EPS8L2: variants seen among roughly 807,000 people sequenced by gnomAD.
EPS8L2 encodes epidermal growth factor receptor kinase substrate 8-like protein 2.
EPS8L2 carries 81 observed loss-of-function variants against 99.4 expected under a neutral mutation model. The ratio of observed to expected loss-of-function variants is 0.82; its 90% CI spans 0.68 to 0.98. The LOEUF is 0.98. EPS8L2 is among the 50% of genes least tolerant of loss of function. The pLI, the probability that EPS8L2 is intolerant of heterozygous loss-of-function variation, is 0.00. For synonymous variants in EPS8L2, 509 were observed against 407.3 expected, an observed-to-expected ratio of 1.25 and a Z score of -3.01; for missense variants, 1,155 against 968.8, an observed-to-expected ratio of 1.19 and a Z score of -2.55.
intron 4 of EPS8L2, among the ~76,000 whole-genome samples, chr11:712,848 A>C (rs899451638): frequency 6.6e-6 from 1 of 152,234 alleles, no homozygotes; most frequent in African/African-American, 2.4e-5. Context: ...CGGCCAGCTC[A>C]GTGTCCAGGG....
intron 1 of EPS8L2, among the ~76,000 whole-genome samples, chr11:707,599 C>G (rs1253085169): frequency 3.9e-5 from 6 of 152,190 alleles, no homozygotes; most frequent in African/African-American, 1.4e-4. Flanking sequence ...GCCAAAGAAG[C>G]CTCCCCAGGG....
At chr11:719,970 GGCCCCTCA>G in intron 4 of EPS8L2, 84 bp from the exon 5 acceptor site, 2 of 1,338,922 alleles carry the variant, frequency 1.5e-6, no homozygotes, top group Admixed American at 2.6e-5. Flanking sequence ...GGTTGGCTGT[GGCCCCTCA>G]GCCCCTCAGG....
chr11:713,008 C>A (rs1590048280), intron 4 of EPS8L2, among the ~76,000 whole-genome samples: 1 of 152,102 alleles, frequency 6.6e-6, no homozygotes, highest in African/African-American at 2.4e-5. Context: ...TGGCCTGGCC[C>A]CCAGCCAGCA....
In EPS8L2 at chr11:709,356, CG is replaced by C. The variant is rs1861821214; in HGVS notation, c.-48del. 2.6e-6 allele frequency: 4 copies of C among 1,545,034 alleles called. No homozygotes were observed. The East Asian group carries it at 7.3e-5, about 28-fold the overall frequency. On this transcript the variant is annotated 5_prime_UTR_variant, in exon 2 of 21. Coordinates refer to ENST00000318562, the MANE Select transcript of EPS8L2 (RefSeq NM_022772.4). Reference sequence around the variant, plus strand: ...TGTGGGACAGGCACTGGCCTCAGACCGGGGCCACACTGAGGTCTGCCCTTCT... The same window carrying C: ...TGTGGGACAGGCACTGGCCTCAGACCGGGCCACACTGAGGTCTGCCCTTCT...
intron 4 of EPS8L2, among the ~76,000 whole-genome samples, chr11:713,322 C>T (rs1376674344): frequency 2.6e-5 from 4 of 152,220 alleles, no homozygotes; most frequent in South Asian, 4.1e-4. Context: ...TGTGAATCCC[C>T]GACCTTGGTG....
At position 720,163 on chromosome 11, in the gene EPS8L2, C is replaced by T. The variant is rs776924285; in HGVS notation, c.267C>T (p.Thr89=). Reference sequence around the variant, plus strand: ...TGAGCTCCAAGGAGAAGATCTGGACCCAGGAGATGCTGCTGCAGGTGAACG... The same window carrying T: ...TGAGCTCCAAGGAGAAGATCTGGACTCAGGAGATGCTGCTGCAGGTGAACG... ...VQLSSKEKIW[T]QEMLLQVNDQ... is the part of the protein sequence containing the mutation. The change falls in exon 5 of 21, where the codon ACC becomes ACT. Residue 89 remains threonine (T), a synonymous_variant. Coordinates refer to ENST00000318562, the MANE Select transcript of EPS8L2 (RefSeq NM_022772.4). The T allele has an allele frequency of 1.2e-6, 2 of 1,613,424 alleles. No individual in the cohort carries two copies. Among genetic ancestry groups the T allele is most frequent in the East Asian group, 2.2e-5 (1 of 44,872 alleles).
In EPS8L2 at chr11:722,385, CCTCA is replaced by C. The variant is rs552656529; in HGVS notation, c.1060-13_1060-10del. The C allele has an allele frequency of 2.8e-5, 45 of 1,611,718 alleles. No homozygotes were observed. The East Asian group carries it at 8.9e-4, about 32-fold the overall frequency. On this transcript the variant is annotated splice_polypyrimidine_tract_variant and intron_variant, in intron 12 of 20. Transcript: ENST00000318562. ...TCTGTGGGCCTCAGTCCCCTCTGAACCTCACTGTGCCCCAGATCGTCAACACCTG... is the reference window on the plus strand; with the variant it reads ...TCTGTGGGCCTCAGTCCCCTCTGAACCTGTGCCCCAGATCGTCAACACCTG...
At chr11:718,595 C>G (rs1420487477) in intron 4 of EPS8L2, among the ~76,000 whole-genome samples, 1 of 151,694 alleles carries the variant, frequency 6.6e-6, no homozygotes, top group Non-Finnish European at 1.5e-5. Context: ...AGCATTCCTC[C>G]CACTTCAGCC....
Position 721,040 on chromosome 11 carries a change from G to A in EPS8L2, c.558-24G>A, listed in dbSNP as rs1363121417. The A allele has an allele frequency of 1.3e-5, 19 of 1,419,228 alleles. No individual in the cohort carries two copies. In the South Asian group the frequency reaches 1.7e-4, roughly 12 times the overall value. The allele number at this position is 1,419,228 out of a possible 1,614,324, so 87.9% of individuals were successfully genotyped here. On this transcript the variant is annotated intron_variant, in intron 7 of 20. Coordinates refer to ENST00000318562, the MANE Select transcript of EPS8L2 (RefSeq NM_022772.4). ...GGTCAGGTGCGTTCCCGGCGGGGCT[G>A]AGCAGGACCCCCTCGCCCTCCAGGG...
Position 726,981 on chromosome 11 carries a change from G to A in EPS8L2, c.2148G>A (p.Ter716=). Residue 716 remains the stop codon, a stop_retained_variant, in exon 21 of 21, where the codon TAG becomes TAA. Coordinates refer to ENST00000318562, the MANE Select transcript of EPS8L2 (RefSeq NM_022772.4). ...SMNQRRGEDS[*] ...ATCAGAGGAGGGGGGAGGACAGCTA[G>A]GCCCAGCTGCCTTGGGCTGGGGCCT... 1.2e-6 allele frequency: 2 copies of A among 1,611,794 alleles called. No individual in the cohort carries two copies. The highest frequency in any genetic ancestry group is 1.7e-6 in the Non-Finnish European group (2 of 1,178,758).
intron 1 of EPS8L2, among the ~76,000 whole-genome samples, chr11:708,413 A>C (rs897592587): frequency 3.9e-5 from 6 of 152,198 alleles, no homozygotes; most frequent in African/African-American, 1.2e-4. Context: ...GGAAGAGGTC[A>C]GCACTAGGAG....
At chr11:717,565 G>A (rs1297273830) in intron 4 of EPS8L2, among the ~76,000 whole-genome samples, 1 of 152,118 alleles carries the variant, frequency 6.6e-6, no homozygotes, top group East Asian at 1.9e-4. Flanking sequence ...ATTAGTATTG[G>A]GCAATAGAAT....
chr11:727,195 C>T lies in EPS8L2; in HGVS notation c.*214C>T. The T allele has an allele frequency of 2.0e-6, 1 of 497,512 alleles. No homozygotes were observed. Among genetic ancestry groups the T allele is most frequent in the Non-Finnish European group, 3.6e-6 (1 of 279,004 alleles). The allele number at this position is 497,512 out of a possible 1,614,324, so 30.8% of individuals were successfully genotyped here. On this transcript the variant is annotated 3_prime_UTR_variant, in exon 21 of 21. Transcript: ENST00000318562. Reference sequence around the variant, plus strand: ...ACACCAAGACTAATCTCAGCCAAACCTGCTGCTTGGTGGTGCCAGCCCCTT... The same window carrying T: ...ACACCAAGACTAATCTCAGCCAAACTTGCTGCTTGGTGGTGCCAGCCCCTT...
chr11:719,606 C>T (rs117050831), intron 4 of EPS8L2, among the ~76,000 whole-genome samples: 130 of 152,366 alleles, frequency 8.5e-4, no homozygotes, highest in Non-Finnish European at 1.7e-3. Flanking sequence ...CTTGGAGTAG[C>T]GAGCACGCTG....
rs1862311582 is a variant in EPS8L2 at position 726,133 on chromosome 11, C to T, written c.1716C>T (p.Thr572=). 6.2e-7 allele frequency: 1 copy of T among 1,608,582 alleles called. No individual in the cohort carries two copies. The highest frequency in any genetic ancestry group is 1.7e-5 in the Admixed American group (1 of 59,776). ...AGTACTGGGGCCCCGCCAGCCCGAC[C>T]CACAAGCTACCCCCAAGCTTCCCGG... is the stretch of plus-strand genomic sequence containing the variant. ...GQKYWGPASP[T]HKLPPSFPGN... The change falls in exon 18 of 21, where the codon ACC becomes ACT. Residue 572 remains threonine (T), a synonymous_variant. Coordinates refer to ENST00000318562, the MANE Select transcript of EPS8L2 (RefSeq NM_022772.4).
rs139118300 is a variant in EPS8L2 at position 709,146 on chromosome 11, G to A, written c.-78-184G>A. On this transcript the variant is annotated intron_variant, in intron 1 of 20. Transcript: ENST00000318562. ...CTAGGGTCTGAGGCATGACGAGGCT[G>A]ATCGACTGTCAACTGGGACGTGGGG... 614 of 597,344 alleles carry A rather than the reference G, an allele frequency of 1.0e-3. 3 individuals are homozygous for A. The African/African-American group carries it at 0.011, about 10-fold the overall frequency. The allele number at this position is 597,344 out of a possible 1,614,324, so 37.0% of individuals were successfully genotyped here. A position where few individuals can be genotyped will look rare whatever the true frequency, so the allele number is the denominator to read the frequency against.
At chr11:726,039 G>A in intron 17 of EPS8L2, 59 bp from the exon 18 acceptor site, 1 of 1,318,596 alleles carries the variant, frequency 7.6e-7, no homozygotes, top group African/African-American at 1.5e-5. Flanking sequence ...GAGGTCCCGG[G>A]CAGGTGCTGG....
chr11:715,613 C>CTTTT (rs1862000874), intron 4 of EPS8L2, among the ~76,000 whole-genome samples: 5 of 137,260 alleles, frequency 3.6e-5, no homozygotes, highest in African/African-American at 1.1e-4. Flanking sequence ...TTATCTTTTT[C>CTTTT]TTTTGTTTTT....
At chr11:726,241 C>T (rs1862317341) in intron 18 of EPS8L2, 63 bp from the exon 19 acceptor site, 8 of 1,556,146 alleles carry the variant, frequency 5.1e-6, no homozygotes. Flanking sequence ...TGGGGGGGGT[C>T]CCTGGGCCGG....
Sources: allele counts gnomAD v4.1 joint callset (sites outside exome capture counted in the v4.1 genomes callset), GRCh38; gene constraint gnomAD v4.1.1; transcripts MANE v1.5; gene names NCBI Gene and HGNC (gene_info 2026-07-23, HGNC 2026-07-21).